Variants in BCKDHB observed in about 807,000 individuals in gnomAD.
BCKDHB encodes the protein 2-oxoisovalerate dehydrogenase subunit beta, mitochondrial.
A neutral mutation model predicts 48.5 loss-of-function variants in BCKDHB; 41 were observed. The ratio of observed to expected loss-of-function variants is 0.85; its 90% CI spans 0.66 to 1.10. BCKDHB has a LOEUF of 1.10. Among genes scored for constraint, BCKDHB ranks in the 50% least tolerant of loss-of-function variants. BCKDHB has a pLI of 0.00. For synonymous variants in BCKDHB, 201 were observed against 174.8 expected (o/e 1.15, Z -1.18); for missense variants, 496 against 494.2 (o/e 1.00, Z -0.03).
At chr6:80,285,780 T>G (rs1766598095) in intron 9 of BCKDHB, among the ~76,000 whole-genome samples, 3 of 152,142 alleles carry the variant, frequency 2.0e-5, no homozygotes, top group Admixed American at 2.0e-4. Context: ...CCTGTAATAT[T>G]AGATGAAAGT....
intron 1 of BCKDHB, among the ~76,000 whole-genome samples, chr6:80,125,532 G>A (rs766106329): frequency 1.7e-4 from 26 of 152,248 alleles, no homozygotes; most frequent in African/African-American, 2.6e-4. Flanking sequence ...CATGCCTTCC[G>A]TACTTAGCTT....
intron 8 of BCKDHB, among the ~76,000 whole-genome samples, chr6:80,246,226 T>C (rs1462657607): frequency 6.6e-6 from 1 of 152,160 alleles, no homozygotes; most frequent in Non-Finnish European, 1.5e-5. Flanking sequence ...AAAATACACT[T>C]GTGGATATGC....
chr6:80,356,208 C>G, the BCKDHB span: 1 of 152,190 alleles, frequency 6.6e-6, no homozygotes, highest in Admixed American at 6.5e-5. Context: ...CATTGGCCAA[C>G]TTGCCTGTCA....
At chr6:80,121,130 C>T (rs1431682911) in intron 1 of BCKDHB, among the ~76,000 whole-genome samples, 4 of 152,132 alleles carry the variant, frequency 2.6e-5, no homozygotes, top group Non-Finnish European at 5.9e-5. Context: ...ATCCTTTCCC[C>T]ATTTCTTATT....
At chr6:80,207,374 TAAC>T (rs1212863176) in intron 8 of BCKDHB, among the ~76,000 whole-genome samples, 1 of 151,918 alleles carries the variant, frequency 6.6e-6, no homozygotes, top group African/African-American at 2.4e-5. Context: ...ATCTCCAGTG[TAAC>T]AACTGAAATA....
At chr6:80,129,250 ATAG>A (rs1554184240) in intron 3 of BCKDHB, 21 bp downstream of exon 3, 2 of 1,575,052 alleles carry the variant, frequency 1.3e-6, no homozygotes, top group Non-Finnish European at 1.7e-6. Context: ...ACCTATATGA[ATAG>A]TATTCTGATA....
chr6:80,199,010 A>G (rs188405203), intron 6 of BCKDHB, among the ~76,000 whole-genome samples: 2 of 152,256 alleles, frequency 1.3e-5, no homozygotes, highest in African/African-American at 4.8e-5. Context: ...ATTTGCCTCC[A>G]CTGTTAGCAG....
At chr6:80,140,947 G>A in intron 3 of BCKDHB, among the ~76,000 whole-genome samples, 1 of 152,118 alleles carries the variant, frequency 6.6e-6, no homozygotes, top group East Asian at 1.9e-4. Flanking sequence ...ACTCTTTTTG[G>A]TTGATAAGCT....
chr6:80,403,538 ACTT>A, the BCKDHB span, among the ~76,000 whole-genome samples: 6 of 151,788 alleles, frequency 4.0e-5, no homozygotes, highest in African/African-American at 1.2e-4. Flanking sequence ...AGGGAGTTTC[ACTT>A]CTTCTATTCT....
downstream of BCKDHB, among the ~76,000 whole-genome samples, chr6:80,347,472 G>A (rs1464497566): frequency 1.3e-5 from 2 of 152,196 alleles, no homozygotes; most frequent in Non-Finnish European, 2.9e-5. Context: ...AACAGGACAT[G>A]TGCGGTGGTC....
At chr6:80,110,996 T>G (rs1413045380) in intron 1 of BCKDHB, among the ~76,000 whole-genome samples, 1 of 152,218 alleles carries the variant, frequency 6.6e-6, no homozygotes, top group African/African-American at 2.4e-5. Flanking sequence ...CAGATGATGC[T>G]TAAATTGTAG....
intron 9 of BCKDHB, among the ~76,000 whole-genome samples, chr6:80,308,874 C>G (rs986319627): frequency 2.0e-5 from 3 of 151,770 alleles, no homozygotes; most frequent in African/African-American, 7.3e-5. Context: ...AGCCACCGCA[C>G]CCGGCCGTAG....
chr6:80,106,659 G>A (rs371569720), upstream of BCKDHB: 2 of 1,544,914 alleles, frequency 1.3e-6, no homozygotes, highest in Non-Finnish European at 1.7e-6. Flanking sequence ...GCGGCGTGCG[G>A]CTGCATAGCC....
In BCKDHB at chr6:80,316,720, C is replaced by G. The variant is rs143021470; in HGVS notation, c.1039-26944C>G. The stretch of plus-strand genomic sequence containing the variant: ...GGAAACTGATCTCATTTGTTTTACT[C>G]TCTCAGTGGCTAGTTATTATTTCCC... On this transcript the variant is annotated intron_variant, in intron 9 of 9. Coordinates refer to ENST00000320393, the MANE Select transcript of BCKDHB (RefSeq NM_183050.4). Among the ~76,000 whole-genome samples, 848 of 152,198 alleles carry G rather than the reference C, an allele frequency of 5.6e-3. 5 individuals are homozygous for G. Among genetic ancestry groups the G allele is most frequent in the Non-Finnish European group, 9.4e-3 (640 of 68,010 alleles).
intron 8 of BCKDHB, among the ~76,000 whole-genome samples, chr6:80,257,570 A>C (rs1041868215): frequency 6.6e-6 from 1 of 151,746 alleles, no homozygotes; most frequent in African/African-American, 2.4e-5. Context: ...ATGAGAGGGG[A>C]TTTATTAAGG....
the BCKDHB span, among the ~76,000 whole-genome samples, chr6:80,381,391 C>A: frequency 1.3e-5 from 2 of 151,994 alleles, no homozygotes; most frequent in Middle Eastern, 3.2e-3. Context: ...ATATATTTTG[C>A]CTTTTGTACA....
intron 8 of BCKDHB, among the ~76,000 whole-genome samples, chr6:80,243,606 CA>C (rs2127919013): frequency 6.6e-6 from 1 of 152,214 alleles, no homozygotes; most frequent in African/African-American, 2.4e-5. Context: ...GATCTCAGTG[CA>C]CTGAAGCCTT....
chr6:80,215,718 A>G (rs951247650), intron 8 of BCKDHB, among the ~76,000 whole-genome samples: 1 of 152,220 alleles, frequency 6.6e-6, no homozygotes, highest in African/African-American at 2.4e-5. Context: ...AATAATAACT[A>G]TGGGTTCTGA....
intron 6 of BCKDHB, among the ~76,000 whole-genome samples, chr6:80,200,063 C>CAAAAAAA (rs55737130): frequency 3.1e-5 from 1 of 32,774 alleles, no homozygotes; most frequent in Non-Finnish European, 6.8e-5. Flanking sequence ...GACCCTGTCT[C>CAAAAAAA]AAAAAAAAAA....
Sources: gnomAD v4.1 joint callset for allele counts (sites outside exome capture counted in the v4.1 genomes callset) on GRCh38, gnomAD v4.1.1 for gene constraint, MANE v1.5 for transcripts, NCBI Gene and HGNC (gene_info 2026-07-23, HGNC 2026-07-21) for gene names.